The following ABCA4 variants were observed in gnomAD, a reference collection of about 807,000 sequenced individuals.
ABCA4 encodes the protein ATP binding cassette subfamily A member 4, also known as retinal-specific phospholipid-transporting ATPase ABCA4.
In ABCA4, 196 loss-of-function variants were observed where a neutral mutation model predicts 263.7. That is an observed-to-expected ratio of 0.74 (90% CI 0.66 to 0.84). The LOEUF is 0.84. Ranked by LOEUF, ABCA4 falls within the 40% of genes least tolerant of loss-of-function variation. ABCA4 has a pLI of 0.00. For synonymous variants in ABCA4, 1,133 were observed against 1,094.2 expected (o/e 1.04, Z -0.70); for missense variants, 2,792 against 2,855.1 (o/e 0.98, Z 0.50).
At chr1:94,080,815 T>C in intron 7 of ABCA4, 97 bp from the exon 8 acceptor site, 1 of 1,543,040 alleles carries the variant, frequency 6.5e-7, no homozygotes, top group East Asian at 2.3e-5. Context: ...CTTCCACATT[T>C]AAAAGAAAAC....
In ABCA4 at chr1:94,040,051, A is replaced by G; in HGVS notation, c.3599T>C (p.Val1200Ala). 1 of 1,604,652 alleles carries G rather than the reference A, an allele frequency of 6.2e-7. No homozygotes were observed. Among genetic ancestry groups the G allele is most frequent in the Non-Finnish European group, 8.5e-7 (1 of 1,174,938 alleles). Residue 1200 changes from valine to alanine, a missense_variant, in exon 24 of 50, where the codon GTC becomes GCC. Physicochemically the swap from Val to Ala is moderately conservative, Grantham distance 64. Transcript: ENST00000370225. ...GCCCGTCCAGTCCTTACCATCCAGG[A>G]CTTGTTCTGGAGTTAGGTCATCGAC... ...AHVDDLTPEQ[V>A]LDGDVNELMD... is the part of the protein sequence containing the mutation.
intron 26 of ABCA4, among the ~76,000 whole-genome samples, chr1:94,033,972 C>T (rs1379359124): frequency 6.6e-6 from 1 of 152,114 alleles, no homozygotes; most frequent in Non-Finnish European, 1.5e-5. Flanking sequence ...CTGAAGGCTC[C>T]ATCCTGACTG....
intron 6 of ABCA4, 95 bp from the exon 7 acceptor site, chr1:94,083,536 T>TCC: frequency 1.2e-6 from 1 of 847,002 alleles, no homozygotes. Context: ...GTTTGAAAAC[T>TCC]CCCCCCCTCC....
chr1:94,012,707 C>G (rs530103354), intron 38 of ABCA4, among the ~76,000 whole-genome samples: 1 of 152,232 alleles, frequency 6.6e-6, no homozygotes, highest in East Asian at 1.9e-4. Flanking sequence ...AGCATGTTAT[C>G]TGCCTCGCTC....
intron 26 of ABCA4, among the ~76,000 whole-genome samples, chr1:94,034,753 C>T (rs1024531498): frequency 6.6e-6 from 1 of 151,894 alleles, no homozygotes; most frequent in African/African-American, 2.4e-5. Context: ...GGGGCAGACC[C>T]CTGCCCTGCC....
At chr1:94,015,704 T>A in intron 37 of ABCA4, 35 bp downstream of exon 37, 1 of 1,492,576 alleles carries the variant, frequency 6.7e-7, no homozygotes, top group Non-Finnish European at 9.3e-7. Context: ...CAGGCTTCTC[T>A]TCAGAGGCAT....
chr1:94,119,196 G>A (rs1662882178), intron 1 of ABCA4, among the ~76,000 whole-genome samples: 2 of 152,100 alleles, frequency 1.3e-5, no homozygotes, highest in Non-Finnish European at 2.9e-5. Context: ...GTTTTATCAG[G>A]ATTTTCATGC....
At chr1:94,080,950 C>G (rs775006838) in intron 7 of ABCA4, among the ~76,000 whole-genome samples, 3 of 152,086 alleles carry the variant, frequency 2.0e-5, no homozygotes, top group Admixed American at 2.0e-4. Flanking sequence ...AGTGGCCGGG[C>G]GCAGTGGCTC....
intron 23 of ABCA4, among the ~76,000 whole-genome samples, 154 bp from the exon 24 acceptor site, chr1:94,040,281 A>G (rs968839210): frequency 2.6e-5 from 4 of 152,142 alleles, no homozygotes; most frequent in African/African-American, 9.7e-5. Context: ...CTGTTAATTC[A>G]TCTGAGCATT....
chr1:94,112,729 A>T (rs919063138), intron 2 of ABCA4, among the ~76,000 whole-genome samples: 6 of 152,230 alleles, frequency 3.9e-5, no homozygotes, highest in Admixed American at 6.5e-5. Flanking sequence ...CAAGAGATAG[A>T]AGCTGCAGTG....
chr1:94,103,109 T>A lies in ABCA4; in HGVS notation c.476A>T (p.Asp159Val). ...RGIRIRDILK[D>V]EETLTLFLIK... ...GAGAAATAGTGTCAGTGTTTCTTCA[T>A]CTTTCAAGATATCCCTTATTCGTAT... The change falls in exon 5 of 50, where the codon GAT becomes GTT. Residue 159 changes from aspartate to valine, a missense_variant. By Grantham distance (152) the Asp-to-Val change is radical. Transcript: ENST00000370225. The A allele has an allele frequency of 6.2e-7, 1 of 1,614,122 alleles. No individual in the cohort carries two copies. Among genetic ancestry groups the A allele is most frequent in the Non-Finnish European group, 8.5e-7 (1 of 1,179,994 alleles).
chr1:93,997,098 T>C (rs567660228), intron 48 of ABCA4, among the ~76,000 whole-genome samples: 2 of 152,362 alleles, frequency 1.3e-5, no homozygotes, highest in Middle Eastern at 3.4e-3. Context: ...GTAAATGTAC[T>C]TAGTGCCACT....
intron 45 of ABCA4, chr1:94,001,622 C>T: frequency 1.5e-6 from 1 of 687,306 alleles, no homozygotes; most frequent in Non-Finnish European, 2.6e-6. Flanking sequence ...AGGAGACATC[C>T]TGGGAACGCA....
At chr1:94,038,770 C>T (rs1446464718) in intron 24 of ABCA4, among the ~76,000 whole-genome samples, 1 of 152,058 alleles carries the variant, frequency 6.6e-6, no homozygotes, top group East Asian at 1.9e-4. Flanking sequence ...TGTAGGTCAG[C>T]AGGGCTTTGG....
At position 94,046,945 on chromosome 1, in the gene ABCA4, GT is replaced by G. The variant is rs761689153; in HGVS notation, c.2891del (p.His964ProfsTer13). 1.9e-6 allele frequency: 3 copies of G among 1,614,176 alleles called. No individual in the cohort carries two copies. The South Asian group carries it at 3.3e-5, about 18-fold the overall frequency. ...AGGTGGTGGTTTTCCCAGCTCCATT[GT>G]GGCCCAGGAATGCGGTGATCTGGTT... ...YENQITAFLG[H>X]NGAGKTTTLS... On this transcript the variant is annotated frameshift_variant, in exon 19 of 50. Coordinates refer to ENST00000370225, the MANE Select transcript of ABCA4 (RefSeq NM_000350.3). LOFTEE classifies it high-confidence loss of function.
chr1:94,044,699 G>A lies in ABCA4; in HGVS notation c.2964C>T (p.Leu988=), dbSNP rs61754034. The A allele has an allele frequency of 2.7e-3, 4,423 of 1,614,138 alleles. 91 individuals are homozygous for A. In the African/African-American group the frequency reaches 0.048, roughly 17 times the overall value. ...GLLPPTSGTV[L]VGGRDIETSL... Reference sequence around the variant, plus strand: ...TGGTTTCAATGTCCCTTCCCCCAACGAGCACAGTCCCAGAGGTTGGTGGCA... The same window carrying A: ...TGGTTTCAATGTCCCTTCCCCCAACAAGCACAGTCCCAGAGGTTGGTGGCA... The change falls in exon 20 of 50, where the codon CTC becomes CTT. Residue 988 remains leucine (L), a synonymous_variant. Coordinates refer to ENST00000370225, the MANE Select transcript of ABCA4 (RefSeq NM_000350.3).
chr1:94,088,915 C>T (rs941608512), intron 6 of ABCA4, among the ~76,000 whole-genome samples: 3 of 152,238 alleles, frequency 2.0e-5, no homozygotes, highest in African/African-American at 7.2e-5. Flanking sequence ...GTAAATCAGT[C>T]ACAAGCTCCC....
At chr1:94,023,673 G>C (rs551306843) in intron 31 of ABCA4, among the ~76,000 whole-genome samples, 1 of 152,310 alleles carries the variant, frequency 6.6e-6, no homozygotes, top group East Asian at 1.9e-4. Context: ...GAGTGGTCCT[G>C]TTGTCAGGTC....
At chr1:94,045,101 G>T (rs1482110372) in intron 19 of ABCA4, among the ~76,000 whole-genome samples, 1 of 152,242 alleles carries the variant, frequency 6.6e-6, no homozygotes. Flanking sequence ...AAGGTGTTCG[G>T]TGCATGACTC....
Sources: allele counts gnomAD v4.1 joint callset (sites outside exome capture counted in the v4.1 genomes callset), GRCh38; gene constraint gnomAD v4.1.1; transcripts MANE v1.5; gene names NCBI Gene and HGNC (gene_info 2026-07-23, HGNC 2026-07-21).